HUNK: variants seen among roughly 807,000 people sequenced by gnomAD.
HUNK encodes hormonally up-regulated neu tumor-associated kinase.
HUNK carries 21 observed loss-of-function variants against 61.0 expected under a neutral mutation model. That is an observed-to-expected ratio of 0.34 (90% CI 0.24 to 0.50). The LOEUF (loss-of-function observed/expected upper bound fraction) is 0.50. HUNK is among the 20% of genes least tolerant of loss of function. The probability of loss-of-function intolerance (pLI) is 0.98; values close to 1 mark genes in which losing one functional copy is unlikely to be tolerated. For synonymous variants in HUNK, 371 were observed against 386.1 expected (o/e 0.96, Z 0.46); for missense variants, 772 against 945.7 (o/e 0.82, Z 2.41).
chr21:31,996,745 C>T (rs2053208694), intron 10 of HUNK, among the ~76,000 whole-genome samples: 1 of 152,158 alleles, frequency 6.6e-6, no homozygotes, highest in Admixed American at 6.5e-5. Flanking sequence ...CAGAGAGGGC[C>T]GTGGCTGTCT....
In HUNK at chr21:31,958,996, C is replaced by T. The variant is rs374734956; in HGVS notation, c.874+26C>T. ...GTAATGCACCAGCTGCTCTAGATCA[C>T]GGTTCAGGACTGCTGTCGTGACCAG... On this transcript the variant is annotated intron_variant, in intron 5 of 10. Transcript: ENST00000270112. 13 of 1,562,506 alleles carry T rather than the reference C, an allele frequency of 8.3e-6. No individual in the cohort carries two copies. In the South Asian group the frequency reaches 1.0e-4, roughly 13 times the overall value.
chr21:31,912,857 G>A (rs1471826343), intron 1 of HUNK, among the ~76,000 whole-genome samples: 1 of 152,136 alleles, frequency 6.6e-6, no homozygotes, highest in African/African-American at 2.4e-5. Flanking sequence ...CTGAAACGGT[G>A]TCCACAGATA....
intron 1 of HUNK, among the ~76,000 whole-genome samples, chr21:31,909,652 C>G (rs866139032): frequency 6.6e-6 from 1 of 152,196 alleles, no homozygotes; most frequent in Non-Finnish European, 1.5e-5. Context: ...ACATAAATAG[C>G]AGCAATTAAT....
chr21:31,887,767 C>T (rs1277374391), intron 1 of HUNK, among the ~76,000 whole-genome samples: 4 of 152,254 alleles, frequency 2.6e-5, no homozygotes, highest in African/African-American at 4.8e-5. Flanking sequence ...TAACCGCCTT[C>T]GGGGAGCCTC....
At chr21:31,956,349 A>ACAAATGGC (rs2052889357) in intron 4 of HUNK, among the ~76,000 whole-genome samples, 1 of 152,170 alleles carries the variant, frequency 6.6e-6, no homozygotes, top group Non-Finnish European at 1.5e-5. Flanking sequence ...GGTCCCCAGC[A>ACAAATGGC]ACAACTTTGT....
intron 5 of HUNK, among the ~76,000 whole-genome samples, chr21:31,960,397 CA>C (rs1372291379): frequency 7.0e-6 from 1 of 143,502 alleles, no homozygotes; most frequent in African/African-American, 2.6e-5. Flanking sequence ...TTTTTTTTAA[CA>C]AATAAGATTA....
intron 1 of HUNK, among the ~76,000 whole-genome samples, chr21:31,917,317 C>T (rs573991233): frequency 3.3e-5 from 5 of 152,212 alleles, no homozygotes; most frequent in South Asian, 2.1e-4. Context: ...CTCAGCCTCC[C>T]GAGCAGCTGG....
At chr21:31,974,439 A>C in intron 6 of HUNK, 116 bp from the exon 7 acceptor site, 1 of 968,578 alleles carries the variant, frequency 1.0e-6, no homozygotes, top group East Asian at 2.6e-5. Flanking sequence ...TCAAAATAAA[A>C]ACTCAAGTCA....
chr21:31,928,836 C>T (rs1310695690), intron 2 of HUNK, among the ~76,000 whole-genome samples: 5 of 152,184 alleles, frequency 3.3e-5, no homozygotes, highest in Non-Finnish European at 5.9e-5. Flanking sequence ...AAAGAATTTT[C>T]TCCTTTATGC....
At chr21:31,932,654 T>C (rs2052706162) in intron 2 of HUNK, among the ~76,000 whole-genome samples, 1 of 152,178 alleles carries the variant, frequency 6.6e-6, no homozygotes, top group South Asian at 2.1e-4. Context: ...ACATCTGGTC[T>C]GTCTGCTGTG....
intron 1 of HUNK, among the ~76,000 whole-genome samples, chr21:31,878,258 CAAAAAAAAAAA>C (rs59741283): frequency 1.1e-5 from 1 of 89,956 alleles, no homozygotes; most frequent in East Asian, 3.4e-4. Flanking sequence ...GACTCCATCT[CAAAAAAAAAAA>C]AAAAAAAAAG....
At chr21:31,998,021 G>T (rs2053218050) in intron 10 of HUNK, among the ~76,000 whole-genome samples, 1 of 152,072 alleles carries the variant, frequency 6.6e-6, no homozygotes. Context: ...AGGCTCAGGT[G>T]ATCCTCCCAC....
intron 1 of HUNK, among the ~76,000 whole-genome samples, chr21:31,896,853 G>A (rs1158388846): frequency 2.6e-5 from 4 of 152,172 alleles, no homozygotes; most frequent in African/African-American, 9.7e-5. Context: ...CACTCTTTAG[G>A]AACACTCTTA....
In HUNK at chr21:31,924,872, AATTTGTCTATATTTTAATTTT is replaced by A. The variant is rs1289704019; in HGVS notation, c.554+117_554+137del. ...GCTGAGCAATTGCAGCCTGTTTTAC[AATTTGTCTATATTTTAATTTT>A]ATTTATTTGTTTATTTTTTTGAGAC... On this transcript the variant is annotated intron_variant, in intron 2 of 10. Transcript: ENST00000270112. This position sits in a 1 kb window ranked among gnomAD's most constrained non-coding sequence, Gnocchi z 5.1. The A allele has an allele frequency of 1.3e-6, 1 of 797,898 alleles. No homozygotes were observed. The highest frequency in any genetic ancestry group is 1.7e-5 in the African/African-American group (1 of 57,586). The allele number at this position is 797,898 out of a possible 1,614,324, so 49.4% of individuals were successfully genotyped here. A position where few individuals can be genotyped will look rare whatever the true frequency, so the allele number is the denominator to read the frequency against.
chr21:31,957,119 G>A (rs991946789), intron 4 of HUNK, among the ~76,000 whole-genome samples: 1 of 152,140 alleles, frequency 6.6e-6, no homozygotes, highest in Non-Finnish European at 1.5e-5. Context: ...GTGGTCAAAA[G>A]TGGTGCAATT....
At chr21:31,928,231 G>A (rs1476317608) in intron 2 of HUNK, among the ~76,000 whole-genome samples, 3 of 152,086 alleles carry the variant, frequency 2.0e-5, no homozygotes, top group Non-Finnish European at 4.4e-5. Context: ...TACTCAGGGT[G>A]TTTTTTCCAA....
chr21:31,960,235 AC>A (rs1416502095), intron 5 of HUNK, among the ~76,000 whole-genome samples: 2 of 152,206 alleles, frequency 1.3e-5, no homozygotes, highest in African/African-American at 4.8e-5. Context: ...CAGAGAACAA[AC>A]CAGTCTCTAC....
intron 1 of HUNK, among the ~76,000 whole-genome samples, chr21:31,904,995 T>C (rs2052495099): frequency 6.6e-6 from 1 of 151,796 alleles, no homozygotes; most frequent in South Asian, 2.1e-4. Flanking sequence ...GGAGAATTGC[T>C]TGAACCCGGG....
intron 4 of HUNK, among the ~76,000 whole-genome samples, chr21:31,946,648 T>A (rs1013751352): frequency 1.2e-4 from 19 of 152,144 alleles, no homozygotes; most frequent in Admixed American, 1.1e-3. Context: ...AGAGTCTTTC[T>A]CTGTCGCCCA....
Sources: allele counts gnomAD v4.1 joint callset (sites outside exome capture counted in the v4.1 genomes callset), GRCh38; gene constraint gnomAD v4.1.1; non-coding constraint Gnocchi (gnomAD v3.1); transcripts MANE v1.5; gene names NCBI Gene and HGNC (gene_info 2026-07-23, HGNC 2026-07-21).